Variants in TEX10 observed in about 807,000 individuals in gnomAD.
TEX10 encodes the protein testis-expressed protein 10.
In TEX10, 24 loss-of-function variants were observed where a neutral mutation model predicts 104.4. The ratio of observed to expected loss-of-function variants is 0.23; its 90% CI spans 0.17 to 0.32. TEX10 has a LOEUF of 0.32. Among genes scored for constraint, TEX10 ranks in the 10% least tolerant of loss-of-function variants. The pLI is 1.00. For missense variants in TEX10, 921 were observed against 1,083.9 expected, an observed-to-expected ratio of 0.85 and a Z score of 2.11; for synonymous variants, 396 against 393.4, an observed-to-expected ratio of 1.01 and a Z score of -0.08.
chr9:100,339,636 G>T (rs1564217618), intron 5 of TEX10, among the ~76,000 whole-genome samples: 1 of 151,946 alleles, frequency 6.6e-6, no homozygotes, highest in Non-Finnish European at 1.5e-5. Context: ...AAGATCCCTT[G>T]CAAGTGTATG....
chr9:100,321,182 A>G (rs1238241573), intron 10 of TEX10, among the ~76,000 whole-genome samples: 1 of 152,230 alleles, frequency 6.6e-6, no homozygotes, highest in African/African-American at 2.4e-5. Context: ...AATATACAGT[A>G]AACATATAGG....
intron 1 of TEX10, among the ~76,000 whole-genome samples, chr9:100,350,955 G>A (rs1463416351): frequency 1.3e-5 from 2 of 152,076 alleles, no homozygotes; most frequent in Admixed American, 6.6e-5. Flanking sequence ...CTACAAAATA[G>A]GGATAATCAT....
rs1834816148 is a variant in TEX10 at position 100,330,034 on chromosome 9, T to G, written c.1386A>C (p.Lys462Asn). 1 of 1,614,040 alleles carries G rather than the reference T, an allele frequency of 6.2e-7. No homozygotes were observed. Among genetic ancestry groups the G allele is most frequent in the Non-Finnish European group, 8.5e-7 (1 of 1,180,004 alleles). The change falls in exon 6 of 15, where the codon AAA becomes AAC. Residue 462 changes from lysine to asparagine, a missense_variant. By Grantham distance (94) the Lys-to-Asn change is moderately conservative. Coordinates refer to ENST00000374902, the MANE Select transcript of TEX10 (RefSeq NM_017746.4). ...KDCSWIEMIR[K>N]FVTETLEDGS... is the part of the protein sequence containing the mutation. Reference sequence around the variant, plus strand: ...CATCTTCAAGGGTCTCTGTTACAAATTTCCTTATCATTTCTATCCAACTGC... The same window carrying G: ...CATCTTCAAGGGTCTCTGTTACAAAGTTCCTTATCATTTCTATCCAACTGC...
intron 5 of TEX10, among the ~76,000 whole-genome samples, chr9:100,339,274 A>AAAAAAAAAAAAT (rs1835101688): frequency 1.1e-5 from 1 of 91,702 alleles, no homozygotes; most frequent in African/African-American, 4.6e-5. Flanking sequence ...AAAAAAAAAA[A>AAAAAAAAAAAAT]GTATATATAT....
intron 5 of TEX10, among the ~76,000 whole-genome samples, chr9:100,331,999 T>C (rs1210030066): frequency 1.3e-5 from 2 of 152,132 alleles, no homozygotes; most frequent in Non-Finnish European, 2.9e-5. Flanking sequence ...TCAGAGATGA[T>C]GAAGAAAAAG....
At chr9:100,306,108 AAAC>A (rs1229630498) in intron 13 of TEX10, 2 of 152,202 alleles carry the variant, frequency 1.3e-5, no homozygotes, top group Non-Finnish European at 2.9e-5. Context: ...ATCCAAAAGA[AAAC>A]AAAAGTTGAT....
chr9:100,348,890 G>C (rs1286275380), intron 2 of TEX10, among the ~76,000 whole-genome samples: 1 of 152,246 alleles, frequency 6.6e-6, no homozygotes, highest in African/African-American at 2.4e-5. Context: ...TCAACATGGT[G>C]TAAGAGTGAG....
At chr9:100,308,763 A>G (rs1457133208) in intron 12 of TEX10, 82 bp from the exon 13 acceptor site, 12 of 1,293,674 alleles carry the variant, frequency 9.3e-6, no homozygotes, top group Non-Finnish European at 1.2e-5. Flanking sequence ...TTAATTCACG[A>G]TTAACTTTAC....
At position 100,346,904 on chromosome 9, in the gene TEX10, A is replaced by G; in HGVS notation, c.683T>C (p.Leu228Ser). 1 of 1,614,230 alleles carries G rather than the reference A, an allele frequency of 6.2e-7. No individual in the cohort carries two copies. Among genetic ancestry groups the G allele is most frequent in the Non-Finnish European group, 8.5e-7 (1 of 1,180,038 alleles). Residue 228 changes from leucine to serine, a missense_variant, in exon 3 of 15, where the codon TTA (leucine) becomes TCA (serine). Coordinates refer to ENST00000374902, the MANE Select transcript of TEX10 (RefSeq NM_017746.4). Reference protein sequence around the residue: ...LTSQQWRLKVLVRLSKFLQAL... With the variant: ...LTSQQWRLKVSVRLSKFLQAL... ...CTGAAGGAATTTACTGAGTCTCACT[A>G]AGACTTTCAGCCTCCATTGCTGAGA... is the stretch of plus-strand genomic sequence containing the variant.
chr9:100,308,458 G>C, intron 13 of TEX10, 42 bp downstream of exon 13: 1 of 1,509,294 alleles, frequency 6.6e-7, no homozygotes, highest in Non-Finnish European at 8.9e-7. Context: ...GGGGGAGGAG[G>C]AACAGTAGGA....
At chr9:100,334,610 TA>T (rs1167575210) in intron 5 of TEX10, among the ~76,000 whole-genome samples, 1 of 151,878 alleles carries the variant, frequency 6.6e-6, no homozygotes, top group Non-Finnish European at 1.5e-5. Flanking sequence ...GCTCAAATTT[TA>T]TCATTGGCAA....
intron 11 of TEX10, among the ~76,000 whole-genome samples, chr9:100,316,240 A>T (rs1227830518): frequency 1.3e-5 from 2 of 152,214 alleles, no homozygotes; most frequent in Non-Finnish European, 2.9e-5. Flanking sequence ...CAATAAATGT[A>T]ATACATCACA....
intron 13 of TEX10, chr9:100,306,558 C>T (rs1006856763): frequency 3.9e-4 from 60 of 152,322 alleles, no homozygotes; most frequent in Admixed American, 1.2e-3. Context: ...CAACTCAACT[C>T]GGTCAAACCT....
intron 3 of TEX10, 36 bp downstream of exon 3, chr9:100,346,658 G>C: frequency 1.9e-6 from 3 of 1,561,192 alleles, no homozygotes; most frequent in Non-Finnish European, 2.6e-6. Context: ...ATTCAATACA[G>C]CAAAACTGTG....
At chr9:100,328,026 A>T in intron 7 of TEX10, 64 bp from the exon 8 acceptor site, 2 of 1,345,646 alleles carry the variant, frequency 1.5e-6, no homozygotes, top group Non-Finnish European at 1.9e-6. Context: ...ATTTAAACAA[A>T]AAAAAAATTT....
chr9:100,349,659 G>GTT (rs35135513), intron 1 of TEX10, among the ~76,000 whole-genome samples: 3 of 150,594 alleles, frequency 2.0e-5, no homozygotes, highest in African/African-American at 7.3e-5. Flanking sequence ...TCTGAAATGT[G>GTT]TTTTTTTTTT....
At chr9:100,302,929 C>CG (rs1554732270) in intron 14 of TEX10, among the ~76,000 whole-genome samples, 3 of 57,084 alleles carry the variant, frequency 5.3e-5, no homozygotes, top group African/African-American at 1.6e-4. Flanking sequence ...TTTTTAACCG[C>CG]CCCCCCCCCA....
At chr9:100,321,861 C>T (rs978853327) in intron 9 of TEX10, 90 bp from the exon 10 acceptor site, 7 of 906,926 alleles carry the variant, frequency 7.7e-6, no homozygotes, top group Non-Finnish European at 1.0e-5. Context: ...TTGTTCTTTA[C>T]TGAAAACAAG....
At chr9:100,322,323 A>G (rs889882948) in intron 9 of TEX10, among the ~76,000 whole-genome samples, 1 of 152,232 alleles carries the variant, frequency 6.6e-6, no homozygotes, top group African/African-American at 2.4e-5. Flanking sequence ...CAGAGGACTC[A>G]AAAGGAATAG....
Sources: allele counts gnomAD v4.1 joint callset (sites outside exome capture counted in the v4.1 genomes callset), GRCh38; gene constraint gnomAD v4.1.1; transcripts MANE v1.5; gene names NCBI Gene and HGNC (gene_info 2026-07-23, HGNC 2026-07-21).